Variants in TMEM108 observed in about 807,000 individuals in gnomAD.
TMEM108 encodes the protein transmembrane protein 108.
TMEM108 carries 12 observed loss-of-function variants against 35.1 expected under a neutral mutation model. The observed-to-expected ratio is 0.34, with a 90% CI of 0.22 to 0.55. The LOEUF is 0.55. Among genes scored for constraint, TMEM108 ranks in the 20% least tolerant of loss-of-function variants. TMEM108 has a pLI of 0.89. For synonymous variants in TMEM108, 287 were observed against 308.6 expected (o/e 0.93, Z 0.73); for missense variants, 680 against 753.3 (o/e 0.90, Z 1.14).
chr3:133,391,500 A>C (rs2073234518), intron 5 of TMEM108, among the ~76,000 whole-genome samples: 1 of 152,158 alleles, frequency 6.6e-6, no homozygotes, highest in Admixed American at 6.5e-5. Flanking sequence ...ATTTCTCTCC[A>C]GTTAAAGTTC....
intron 3 of TMEM108, among the ~76,000 whole-genome samples, chr3:133,243,229 G>T (rs1308619936): frequency 6.6e-6 from 1 of 152,134 alleles, no homozygotes; most frequent in Non-Finnish European, 1.5e-5. Flanking sequence ...AAAAGCAAGT[G>T]AGAGTGGCTG....
intron 2 of TMEM108, among the ~76,000 whole-genome samples, chr3:133,072,776 C>T (rs1943691580): frequency 6.6e-6 from 1 of 152,042 alleles, no homozygotes; most frequent in South Asian, 2.1e-4. Flanking sequence ...TTTTGTCACC[C>T]CAAAAGAAAC....
At chr3:133,076,370 A>G (rs1943743279) in intron 2 of TMEM108, among the ~76,000 whole-genome samples, 1 of 152,018 alleles carries the variant, frequency 6.6e-6, no homozygotes, top group African/African-American at 2.4e-5. Context: ...AGACCGTGAT[A>G]TAGATGGGAA....
chr3:133,067,581 G>A (rs570068065), intron 2 of TMEM108, among the ~76,000 whole-genome samples: 6 of 152,254 alleles, frequency 3.9e-5, no homozygotes, highest in East Asian at 3.9e-4. Context: ...GTCTTCAGTC[G>A]TGGTTCTCTA....
chr3:133,279,256 G>A (rs1946879968), intron 3 of TMEM108, among the ~76,000 whole-genome samples: 2 of 152,182 alleles, frequency 1.3e-5, no homozygotes, highest in East Asian at 1.9e-4. Flanking sequence ...TGTGGTGTAC[G>A]ACAATCAGCT....
rs572513614 is a variant in TMEM108, at chr3:133,094,894, C to A, written c.-47+48874C>A. ...ATATTTCCTCTACTGGATTGTAGTTCCTCTGAGGGTTTAATTTGTATCCCA... is the reference window on the plus strand; with the variant it reads ...ATATTTCCTCTACTGGATTGTAGTTACTCTGAGGGTTTAATTTGTATCCCA... On this transcript the variant is annotated intron_variant, in intron 2 of 5. Transcript: ENST00000321871. Among the ~76,000 whole-genome samples, 3 of 152,094 alleles carry A rather than the reference C, an allele frequency of 2.0e-5. No homozygotes were observed. In the East Asian group the frequency reaches 5.8e-4, roughly 29 times the overall value.
At chr3:133,208,573 T>A (rs1945791250) in intron 2 of TMEM108, among the ~76,000 whole-genome samples, 1 of 152,194 alleles carries the variant, frequency 6.6e-6, no homozygotes, top group African/African-American at 2.4e-5. Context: ...CCAGCTCCCA[T>A]CTTGCTGATT....
At chr3:133,138,930 C>T (rs1028888230) in intron 2 of TMEM108, among the ~76,000 whole-genome samples, 1 of 151,992 alleles carries the variant, frequency 6.6e-6, no homozygotes, top group Admixed American at 6.6e-5. Flanking sequence ...CCCCACCCCC[C>T]AACAGGCCCC....
chr3:133,264,928 A>T (rs1280327396), intron 3 of TMEM108, among the ~76,000 whole-genome samples: 1 of 152,202 alleles, frequency 6.6e-6, no homozygotes, highest in African/African-American at 2.4e-5. Context: ...AATTACTGGG[A>T]AGGCTAAGGC....
intron 2 of TMEM108, among the ~76,000 whole-genome samples, chr3:133,135,433 A>G (rs1166674503): frequency 6.6e-6 from 1 of 152,224 alleles, no homozygotes; most frequent in Non-Finnish European, 1.5e-5. Flanking sequence ...GGCTATGAGT[A>G]TATTCATGGA....
chr3:133,083,178 C>A (rs1472837972), intron 2 of TMEM108, among the ~76,000 whole-genome samples: 8 of 133,274 alleles, frequency 6.0e-5, no homozygotes, highest in East Asian at 5.1e-4. Context: ...AAGCCCCCCC[C>A]CACCCCCCGC....
intron 2 of TMEM108, among the ~76,000 whole-genome samples, chr3:133,077,645 G>A (rs1240170113): frequency 6.6e-6 from 1 of 152,174 alleles, no homozygotes; most frequent in African/African-American, 2.4e-5. Flanking sequence ...CTCAAAGTGA[G>A]AAGGCAGAAA....
At chr3:133,144,640 T>A (rs796916855) in intron 2 of TMEM108, among the ~76,000 whole-genome samples, 10 of 151,912 alleles carry the variant, frequency 6.6e-5, no homozygotes, top group Non-Finnish European at 1.5e-4. Flanking sequence ...ATCTGTTGTT[T>A]CCTTTTTAAT....
chr3:133,224,566 A>G (rs1946040390), intron 2 of TMEM108, among the ~76,000 whole-genome samples: 1 of 152,082 alleles, frequency 6.6e-6, no homozygotes, highest in African/African-American at 2.4e-5. Flanking sequence ...TTCTCATGGT[A>G]GTGAATAAGT....
chr3:133,163,205 C>G lies in TMEM108; in HGVS notation c.-46-66061C>G, dbSNP rs149362719. On this transcript the variant is annotated intron_variant, in intron 2 of 5. Transcript: ENST00000321871. ...GAAAGCAGAGGACAGGTTGGGGAAC[C>G]CTTTTTTCTGAGATGGGCTACGGGC... is the stretch of plus-strand genomic sequence containing the variant. Among the ~76,000 whole-genome samples, 301 of 152,228 alleles carry G rather than the reference C, an allele frequency of 2.0e-3. 1 individual carries two copies. The highest frequency in any genetic ancestry group is 6.6e-3 in the African/African-American group (273 of 41,546).
chr3:133,054,487 A>G (rs1342461372), intron 2 of TMEM108, among the ~76,000 whole-genome samples: 4 of 152,240 alleles, frequency 2.6e-5, no homozygotes, highest in African/African-American at 4.8e-5. Flanking sequence ...GTGTTGTTCA[A>G]CAGCTGGGTT....
intron 2 of TMEM108, among the ~76,000 whole-genome samples, chr3:133,137,149 G>A (rs1400136511): frequency 6.6e-6 from 1 of 152,044 alleles, no homozygotes; most frequent in Non-Finnish European, 1.5e-5. Context: ...GTGAGAAGTG[G>A]TGACATATGT....
At chr3:133,107,614 G>T (rs930902406) in intron 2 of TMEM108, among the ~76,000 whole-genome samples, 6 of 152,032 alleles carry the variant, frequency 3.9e-5, no homozygotes, top group African/African-American at 1.4e-4. Context: ...TTACAAAGGG[G>T]ATTTAATTGC....
At chr3:133,387,924 C>T (rs1487788893) in intron 4 of TMEM108, 7 of 985,402 alleles carry the variant, frequency 7.1e-6, no homozygotes, top group Non-Finnish European at 8.4e-6. Flanking sequence ...ATCAGAGGCA[C>T]AAATATCTTT....
Sources: gnomAD v4.1 joint callset for allele counts (sites outside exome capture counted in the v4.1 genomes callset) on GRCh38, gnomAD v4.1.1 for gene constraint, MANE v1.5 for transcripts, NCBI Gene and HGNC (gene_info 2026-07-23, HGNC 2026-07-21) for gene names.